The following FMN1 variants were observed in gnomAD, a reference collection of about 807,000 sequenced individuals.
The protein encoded by FMN1 is formin 1, also known as formin-1.
FMN1 carries 110 observed loss-of-function variants against 132.4 expected under a neutral mutation model. The observed-to-expected ratio is 0.83, with a 90% confidence interval of 0.71 to 0.97. The LOEUF is 0.97. Ranked by LOEUF, FMN1 falls within the 50% of genes least tolerant of loss-of-function variation. The probability of loss-of-function intolerance (pLI) is 0.00; values close to 1 mark genes in which losing one functional copy is unlikely to be tolerated. For missense variants in FMN1, 1,792 were observed against 1,705.3 expected, an observed-to-expected ratio of 1.05 and a Z score of -0.90; for synonymous variants, 722 against 651.7, an observed-to-expected ratio of 1.11 and a Z score of -1.64.
At chr15:33,128,854 A>G (rs555010833) in intron 4 of FMN1, among the ~76,000 whole-genome samples, 14 of 152,374 alleles carry the variant, frequency 9.2e-5, no homozygotes, top group African/African-American at 2.4e-4. Context: ...CAACCGGAGC[A>G]GACTGCAGAG....
chr15:33,042,456 T>C (rs1596535988), intron 6 of FMN1, among the ~76,000 whole-genome samples: 2 of 152,100 alleles, frequency 1.3e-5, no homozygotes, highest in South Asian at 2.1e-4. Flanking sequence ...AAAAAACAAA[T>C]TGAGGTAATC....
chr15:32,783,229 A>G (rs1296786672), intron 19 of FMN1, among the ~76,000 whole-genome samples: 1 of 152,238 alleles, frequency 6.6e-6, no homozygotes, highest in African/African-American at 2.4e-5. Flanking sequence ...AACATATCAG[A>G]GAAAGAAAAT....
intron 3 of FMN1, among the ~76,000 whole-genome samples, chr15:33,157,263 C>A (rs1200326226): frequency 2.7e-3 from 330 of 120,194 alleles, no homozygotes; most frequent in Middle Eastern, 4.5e-3. Context: ...GACTCCATCT[C>A]AAAAAAAAAA....
intron 3 of FMN1, among the ~76,000 whole-genome samples, chr15:33,173,670 T>G (rs1965410341): frequency 6.6e-6 from 1 of 152,226 alleles, no homozygotes; most frequent in South Asian, 2.1e-4. Flanking sequence ...GGCTCACGCC[T>G]GTAATCCCAG....
chr15:32,858,656 AG>A (rs148200200), intron 16 of FMN1, among the ~76,000 whole-genome samples: 1 of 152,338 alleles, frequency 6.6e-6, no homozygotes, highest in Non-Finnish European at 1.5e-5. Flanking sequence ...GTCCGTTGGG[AG>A]GCAAAGACTA....
intron 4 of FMN1, among the ~76,000 whole-genome samples, chr15:33,146,499 T>C (rs1270094962): frequency 6.7e-6 from 1 of 149,220 alleles, no homozygotes; most frequent in African/African-American, 2.5e-5. Flanking sequence ...TTTCAAGTTC[T>C]TTCCTATAAG....
intron 6 of FMN1, among the ~76,000 whole-genome samples, chr15:33,061,391 AG>A (rs1268608505): frequency 1.3e-5 from 2 of 152,160 alleles, no homozygotes; most frequent in Non-Finnish European, 2.9e-5. Flanking sequence ...AACATATGCC[AG>A]GGAAGATATT....
chr15:33,029,429 C>T (rs937132670), intron 6 of FMN1, among the ~76,000 whole-genome samples: 12 of 151,958 alleles, frequency 7.9e-5, no homozygotes, highest in Non-Finnish European at 1.2e-4. Context: ...ATGGAAAATA[C>T]TTGAAATAGC....
rs1236588627 is a variant in FMN1, at chr15:32,777,158, GT to G, written c.4131-240del. Among the ~76,000 whole-genome samples, 3 of 152,110 alleles carry G rather than the reference GT, an allele frequency of 2.0e-5. No individual in the cohort carries two copies. The East Asian group carries it at 5.8e-4, about 29-fold the overall frequency. On this transcript the variant is annotated intron_variant, in intron 19 of 20. Coordinates refer to ENST00000616417, the MANE Select transcript of FMN1 (RefSeq NM_001277313.2). ...TAATTTTCTTCACCAGCTGAAGCCTGTTTTTGTGAACAATGTGGTAGTTTCT... is the reference window on the plus strand; with the variant it reads ...TAATTTTCTTCACCAGCTGAAGCCTGTTTTGTGAACAATGTGGTAGTTTCT...
intron 17 of FMN1, among the ~76,000 whole-genome samples, chr15:32,817,472 A>C (rs930562983): frequency 2.6e-5 from 4 of 152,214 alleles, no homozygotes; most frequent in African/African-American, 9.7e-5. Flanking sequence ...AATGGTACCC[A>C]AGAATTAACA....
At chr15:33,000,953 G>A (rs986870265) in intron 7 of FMN1, among the ~76,000 whole-genome samples, 1 of 152,186 alleles carries the variant, frequency 6.6e-6, no homozygotes, top group African/African-American at 2.4e-5. Context: ...ACAGGCACAA[G>A]TACAGCAGGA....
At chr15:33,110,972 G>A (rs1045271107) in intron 4 of FMN1, among the ~76,000 whole-genome samples, 2 of 151,938 alleles carry the variant, frequency 1.3e-5, no homozygotes, top group African/African-American at 2.4e-5. Flanking sequence ...TAATTATTCC[G>A]AGTAAATGAG....
intron 4 of FMN1, chr15:33,150,354 A>C (rs1050675999): frequency 2.0e-6 from 2 of 985,446 alleles, no homozygotes; most frequent in Non-Finnish European, 1.2e-6. Flanking sequence ...CCGCCAAATA[A>C]AATACTATAA....
chr15:33,127,933 G>A (rs538483036), intron 4 of FMN1, among the ~76,000 whole-genome samples: 27 of 152,262 alleles, frequency 1.8e-4, no homozygotes, highest in African/African-American at 4.8e-4. Context: ...AATAGAAGAA[G>A]AGGCAGCAAC....
intron 9 of FMN1, among the ~76,000 whole-genome samples, chr15:32,957,000 T>C (rs1240657892): frequency 2.0e-5 from 3 of 152,114 alleles, no homozygotes; most frequent in Non-Finnish European, 2.9e-5. Flanking sequence ...CACCACAAAA[T>C]TTCAACAGAC....
rs1382338764 is a variant in FMN1 at position 32,770,779 on chromosome 15, TA to T, written c.*3530del. On this transcript the variant is annotated 3_prime_UTR_variant, in exon 21 of 21. Transcript: ENST00000616417. The stretch of plus-strand genomic sequence containing the variant: ...GGCAATTTGTTTTGGCTAGAACATT[TA>T]AAAGTGTAATAGCTCCACTGGGTTT... The T allele has an allele frequency of 2.6e-5, 4 of 152,144 alleles. No homozygotes were observed. The highest frequency in any genetic ancestry group is 5.9e-5 in the Non-Finnish European group (4 of 68,050). 9.4% of individuals were successfully genotyped at this position (152,144 alleles called of 1,614,324 possible). A position where few individuals can be genotyped will look rare whatever the true frequency, so the allele number is the denominator to read the frequency against.
chr15:33,135,481 T>C (rs1374855216), intron 4 of FMN1, among the ~76,000 whole-genome samples: 1 of 152,228 alleles, frequency 6.6e-6, no homozygotes, highest in Non-Finnish European at 1.5e-5. Flanking sequence ...TCTGTCAGTC[T>C]GTCTTCCCTG....
chr15:32,956,028 A>C (rs2061759826), intron 9 of FMN1, among the ~76,000 whole-genome samples: 1 of 152,164 alleles, frequency 6.6e-6, no homozygotes, highest in Admixed American at 6.5e-5. Flanking sequence ...CTGTGTGGGT[A>C]ATTTGCTGTG....
chr15:33,080,019 G>A (rs1158568608), intron 5 of FMN1, among the ~76,000 whole-genome samples: 2 of 152,058 alleles, frequency 1.3e-5, no homozygotes, highest in East Asian at 1.9e-4. Flanking sequence ...ACACTGACAT[G>A]TACTCACAAC....
Sources: allele counts gnomAD v4.1 joint callset (sites outside exome capture counted in the v4.1 genomes callset), GRCh38; gene constraint gnomAD v4.1.1; transcripts MANE v1.5; gene names NCBI Gene and HGNC (gene_info 2026-07-23, HGNC 2026-07-21).